The following DNER variants were observed in gnomAD, a reference collection of about 807,000 sequenced individuals.
The protein encoded by DNER is delta and Notch-like epidermal growth factor-related receptor.
A neutral mutation model predicts 78.2 loss-of-function variants in DNER; 33 were observed. The observed-to-expected ratio is 0.42, with a 90% CI of 0.32 to 0.56. The LOEUF (loss-of-function observed/expected upper bound fraction) is 0.56, where lower values mean the gene tolerates loss of function less well. Ranked by LOEUF, DNER falls within the 20% of genes least tolerant of loss-of-function variation. The pLI is 0.11. For synonymous variants in DNER, 417 were observed against 384.8 expected (o/e 1.08, Z -0.98); for missense variants, 918 against 975.3 (o/e 0.94, Z 0.78).
intron 1 of DNER, among the ~76,000 whole-genome samples, chr2:229,707,047 G>A (rs967250663): frequency 2.0e-5 from 3 of 151,662 alleles, no homozygotes; most frequent in Admixed American, 6.6e-5. Context: ...ACAGAGTCTC[G>A]CTTCAGCCCA....
chr2:229,508,987 G>C (rs1308904807), intron 6 of DNER, among the ~76,000 whole-genome samples: 2 of 152,218 alleles, frequency 1.3e-5, no homozygotes, highest in African/African-American at 4.8e-5. Flanking sequence ...TCTCTGGAGA[G>C]AAAGGAGAGG....
intron 1 of DNER, among the ~76,000 whole-genome samples, chr2:229,643,297 A>T (rs1288711957): frequency 1.3e-5 from 2 of 152,192 alleles, no homozygotes; most frequent in Non-Finnish European, 2.9e-5. Flanking sequence ...GGCAAGTTAT[A>T]TCCTTTATGG....
intron 1 of DNER, among the ~76,000 whole-genome samples, chr2:229,593,958 T>C (rs1697657162): frequency 6.6e-6 from 1 of 152,240 alleles, no homozygotes; most frequent in East Asian, 1.9e-4. Flanking sequence ...TTGCGCAGCT[T>C]AGAGAATGAC....
chr2:229,586,716 C>G, intron 3 of DNER: 1 of 985,448 alleles, frequency 1.0e-6, no homozygotes, highest in Non-Finnish European at 1.2e-6. Context: ...GTCTCCTTCT[C>G]CACCTTGGAA....
intron 5 of DNER, among the ~76,000 whole-genome samples, chr2:229,518,638 A>G (rs1696031816): frequency 6.6e-6 from 1 of 152,216 alleles, no homozygotes; most frequent in Non-Finnish European, 1.5e-5. Context: ...GAGTCCAACC[A>G]TCAGAAAACT....
intron 1 of DNER, among the ~76,000 whole-genome samples, chr2:229,645,931 A>G (rs893959692): frequency 6.6e-6 from 1 of 152,206 alleles, no homozygotes; most frequent in Non-Finnish European, 1.5e-5. Context: ...CACAGTTGGG[A>G]AAAGAGGTCT....
intron 8 of DNER, 72 bp downstream of exon 8, chr2:229,447,244 A>G (rs1054542279): frequency 3.5e-6 from 5 of 1,434,040 alleles, no homozygotes; most frequent in Non-Finnish European, 4.7e-6. Flanking sequence ...ATGCAAAAGA[A>G]AAAGTAATGG....
intron 1 of DNER, among the ~76,000 whole-genome samples, chr2:229,700,401 T>G (rs913871357): frequency 2.7e-5 from 4 of 149,588 alleles, no homozygotes; most frequent in Admixed American, 1.3e-4. Context: ...AGTGGTGTGA[T>G]CTCGGCTCAC....
At chr2:229,430,352 A>G (rs1293650570) in intron 8 of DNER, among the ~76,000 whole-genome samples, 1 of 152,188 alleles carries the variant, frequency 6.6e-6, no homozygotes, top group Non-Finnish European at 1.5e-5. Flanking sequence ...TGAAGGATAC[A>G]AAGTATTGAT....
At chr2:229,481,181 G>A (rs998590158) in intron 6 of DNER, among the ~76,000 whole-genome samples, 5 of 152,174 alleles carry the variant, frequency 3.3e-5, no homozygotes, top group East Asian at 1.9e-4. Flanking sequence ...TGGTGCGAGC[G>A]TTTCCCAAAT....
intron 5 of DNER, among the ~76,000 whole-genome samples, chr2:229,521,301 T>G (rs557946568): frequency 6.6e-6 from 1 of 152,308 alleles, no homozygotes; most frequent in East Asian, 1.9e-4. Flanking sequence ...GAAGACAGTG[T>G]GTCCTGGCCG....
chr2:229,426,937 G>A (rs1482004713), intron 8 of DNER, among the ~76,000 whole-genome samples: 1 of 152,238 alleles, frequency 6.6e-6, no homozygotes, highest in Non-Finnish European at 1.5e-5. Context: ...ATTCGTTGGT[G>A]TGTGGCAGAC....
At chr2:229,476,926 A>G (rs900172892) in intron 7 of DNER, among the ~76,000 whole-genome samples, 1 of 152,054 alleles carries the variant, frequency 6.6e-6, no homozygotes, top group Non-Finnish European at 1.5e-5. Context: ...AAAATCACAG[A>G]AAGTCCTAGA....
intron 7 of DNER, among the ~76,000 whole-genome samples, chr2:229,455,820 A>C (rs1694560555): frequency 6.6e-6 from 1 of 152,132 alleles, no homozygotes; most frequent in Admixed American, 6.5e-5. Flanking sequence ...TTTAACTCTC[A>C]CATCAATCCT....
intron 1 of DNER, among the ~76,000 whole-genome samples, chr2:229,626,015 G>A (rs1698336826): frequency 6.6e-6 from 1 of 152,076 alleles, no homozygotes; most frequent in Admixed American, 6.5e-5. Flanking sequence ...CGCCTCCCGG[G>A]TTCACGCCAT....
At chr2:229,677,448 G>C (rs1156962273) in intron 1 of DNER, among the ~76,000 whole-genome samples, 9 of 152,118 alleles carry the variant, frequency 5.9e-5, no homozygotes, top group Non-Finnish European at 1.2e-4. Context: ...TCCCTGTTTT[G>C]ACTCTCATTT....
At chr2:229,594,221 C>T (rs1371337613) in intron 1 of DNER, among the ~76,000 whole-genome samples, 1 of 152,222 alleles carries the variant, frequency 6.6e-6, no homozygotes, top group Non-Finnish European at 1.5e-5. Flanking sequence ...AAGGACACTC[C>T]ATAGAGTAAC....
intron 1 of DNER, among the ~76,000 whole-genome samples, chr2:229,671,080 A>G (rs1699199094): frequency 6.6e-6 from 1 of 152,186 alleles, no homozygotes; most frequent in Admixed American, 6.5e-5. Context: ...AATCAGAAAA[A>G]GATAAAAATA....
At chr2:229,613,744 C>G (rs1286967054) in intron 1 of DNER, among the ~76,000 whole-genome samples, 1 of 151,754 alleles carries the variant, frequency 6.6e-6, no homozygotes, top group Non-Finnish European at 1.5e-5. Context: ...AAAGACATTT[C>G]ATTTACTTTA....
Sources: gnomAD v4.1 joint callset for allele counts (sites outside exome capture counted in the v4.1 genomes callset) on GRCh38, gnomAD v4.1.1 for gene constraint, MANE v1.5 for transcripts, NCBI Gene and HGNC (gene_info 2026-07-23, HGNC 2026-07-21) for gene names.